SFMBT2: variants seen among roughly 807,000 people sequenced by gnomAD.
The protein encoded by SFMBT2 is Scm like with four mbt domains 2.
A neutral mutation model predicts 110.1 loss-of-function variants in SFMBT2; 38 were observed. That is an observed-to-expected ratio of 0.35 (90% CI 0.27 to 0.45). The LOEUF is 0.45. SFMBT2 is among the 20% of genes least tolerant of loss of function. The pLI is 1.00. For synonymous variants in SFMBT2, 425 were observed against 425.4 expected (o/e 1.00, Z 0.01); for missense variants, 1,011 against 1,094.9 (o/e 0.92, Z 1.08).
chr10:7,230,826 A>G (rs1006927111), intron 9 of SFMBT2, among the ~76,000 whole-genome samples: 29 of 152,168 alleles, frequency 1.9e-4, no homozygotes, highest in Admixed American at 4.6e-4. Context: ...CCAGCTACTC[A>G]GGAGGCTGAG....
intron 16 of SFMBT2, 71 bp downstream of exon 16, chr10:7,188,553 A>G (rs1308982692): frequency 1.1e-5 from 13 of 1,180,372 alleles, no homozygotes; most frequent in Non-Finnish European, 1.6e-5. Context: ...CACAAAGAGA[A>G]GTGGCAAGGT....
intron 7 of SFMBT2, among the ~76,000 whole-genome samples, chr10:7,266,789 C>T (rs1430047240): frequency 6.6e-6 from 1 of 152,152 alleles, no homozygotes; most frequent in African/African-American, 2.4e-5. Flanking sequence ...AAAGGCTACA[C>T]AGAAGAGTGA....
At chr10:7,268,306 G>A (rs533817098) in intron 7 of SFMBT2, among the ~76,000 whole-genome samples, 2 of 152,140 alleles carry the variant, frequency 1.3e-5, no homozygotes, top group Non-Finnish European at 2.9e-5. Flanking sequence ...AGTCTGTCCT[G>A]TAATAAACTT....
intron 9 of SFMBT2, among the ~76,000 whole-genome samples, chr10:7,234,524 G>C (rs773485345): frequency 2.0e-5 from 3 of 152,048 alleles, no homozygotes; most frequent in African/African-American, 7.2e-5. Context: ...AACATAAAAG[G>C]TTCTTCTTAG....
At chr10:7,296,701 C>T (rs1331731933) in intron 4 of SFMBT2, among the ~76,000 whole-genome samples, 1 of 152,202 alleles carries the variant, frequency 6.6e-6, no homozygotes, top group Non-Finnish European at 1.5e-5. Flanking sequence ...GGCCACAGTG[C>T]CCAGATATGT....
Position 7,284,009 on chromosome 10 carries a change from A to T in SFMBT2, c.667T>A (p.Leu223Met). ...TGGTCATAGGATTCAGTGTCCTCCAATCCCACATAGCGAAGGCGTAATCTT... is the reference window on the plus strand; with the variant it reads ...TGGTCATAGGATTCAGTGTCCTCCATTCCCACATAGCGAAGGCGTAATCTT... ...GGRLRLRYVG[L>M]EDTESYDQWL... Residue 223 changes from leucine to methionine, a missense_variant, in exon 6 of 21, where the codon TTG becomes ATG. Physicochemically the swap from Leu to Met is conservative, Grantham distance 15 (BLOSUM62 2). Transcript: ENST00000397167. 1 of 1,613,776 alleles carries T rather than the reference A, an allele frequency of 6.2e-7. No homozygotes were observed. Among genetic ancestry groups the T allele is most frequent in the South Asian group, 1.1e-5 (1 of 91,078 alleles).
At chr10:7,186,277 G>T (rs141490149) in intron 16 of SFMBT2, among the ~76,000 whole-genome samples, 4 of 151,946 alleles carry the variant, frequency 2.6e-5, no homozygotes, top group African/African-American at 9.7e-5. Flanking sequence ...CAATCACACT[G>T]CCCTAGGGAT....
intron 10 of SFMBT2, among the ~76,000 whole-genome samples, chr10:7,220,973 C>T (rs1839713637): frequency 6.6e-6 from 1 of 151,932 alleles, no homozygotes; most frequent in African/African-American, 2.4e-5. Flanking sequence ...ACTACAGGCA[C>T]CTGCCATCAT....
intron 12 of SFMBT2, 128 bp from the exon 13 acceptor site, chr10:7,202,650 T>A: frequency 1.3e-6 from 2 of 1,544,336 alleles, no homozygotes; most frequent in South Asian, 1.2e-5. Context: ...AAAAGTTACG[T>A]CATTCATGCC....
At chr10:7,348,255 A>T (rs1166744329) in intron 4 of SFMBT2, 5 of 1,493,402 alleles carry the variant, frequency 3.3e-6, no homozygotes, top group Non-Finnish European at 3.6e-6. Flanking sequence ...TCATTTCGTG[A>T]CGGTCTCGAA....
chr10:7,357,145 C>G (rs1844545325), intron 4 of SFMBT2, among the ~76,000 whole-genome samples: 1 of 152,112 alleles, frequency 6.6e-6, no homozygotes, highest in South Asian at 2.1e-4. Flanking sequence ...AAATGTTCTG[C>G]CTCTCCAGAA....
intron 4 of SFMBT2, among the ~76,000 whole-genome samples, chr10:7,344,186 A>G (rs74913709): frequency 0.072 from 10,986 of 152,252 alleles, 522 homozygotes; most frequent in Non-Finnish European, 0.11. Flanking sequence ...ACACTGAAGT[A>G]TTAGGCATTT....
At position 7,369,124 on chromosome 10, in the gene SFMBT2, C is replaced by T. The variant is rs370090693; in HGVS notation, c.195+1157G>A. On this transcript the variant is annotated intron_variant, in intron 3 of 20. Transcript: ENST00000397167. ...AGGAGGATAGCTTGAGCCTGGAGTT[C>T]GAGGCCAACTCAGGCAACATGGCGA... is the stretch of plus-strand genomic sequence containing the variant. 4.6e-5 allele frequency among the ~76,000 whole-genome samples: 7 copies of T among 152,128 alleles called. No homozygotes were observed. The South Asian group carries it at 1.5e-3, about 32-fold the overall frequency.
intron 4 of SFMBT2, among the ~76,000 whole-genome samples, chr10:7,359,103 G>A (rs540629449): frequency 1.4e-4 from 21 of 152,328 alleles, no homozygotes; most frequent in Middle Eastern, 6.8e-3. Flanking sequence ...GGAGGTCAAC[G>A]AGGCAGGGTC....
chr10:7,319,026 G>C (rs867025618), intron 4 of SFMBT2, among the ~76,000 whole-genome samples: 10 of 152,178 alleles, frequency 6.6e-5, no homozygotes, highest in African/African-American at 2.2e-4. Flanking sequence ...ACTGGAGCAG[G>C]GCCACACGAG....
chr10:7,394,409 G>A (rs1056933671), intron 1 of SFMBT2, among the ~76,000 whole-genome samples: 1 of 151,366 alleles, frequency 6.6e-6, no homozygotes, highest in Non-Finnish European at 1.5e-5. Context: ...TCTCTCAGCC[G>A]ACTGTTCTGG....
At chr10:7,363,286 A>T (rs1844782926) in intron 4 of SFMBT2, among the ~76,000 whole-genome samples, 1 of 151,734 alleles carries the variant, frequency 6.6e-6, no homozygotes. Context: ...CCTCATTTCT[A>T]ATTTGCCTTC....
intron 3 of SFMBT2, 126 bp downstream of exon 3, chr10:7,370,155 C>T (rs951896421): frequency 1.3e-6 from 1 of 759,744 alleles, no homozygotes; most frequent in African/African-American, 1.7e-5. Context: ...GTGTGAGCCA[C>T]CATGCCTGGC....
chr10:7,343,537 C>T (rs1439426037), intron 4 of SFMBT2, among the ~76,000 whole-genome samples: 4 of 152,030 alleles, frequency 2.6e-5, no homozygotes, highest in African/African-American at 9.7e-5. Flanking sequence ...TTCTCCACAA[C>T]CTCGCCAGCA....
Sources: allele counts gnomAD v4.1 joint callset (sites outside exome capture counted in the v4.1 genomes callset), GRCh38; gene constraint gnomAD v4.1.1; transcripts MANE v1.5; gene names NCBI Gene and HGNC (gene_info 2026-07-23, HGNC 2026-07-21).